Variants in ICA1 observed in about 807,000 individuals in gnomAD.
The protein encoded by ICA1 is 69 kDa islet cell autoantigen.
Under a neutral mutation model 71.0 loss-of-function variants are expected in ICA1, and 40 were observed. The ratio of observed to expected loss-of-function variants is 0.56; its 90% CI spans 0.44 to 0.73. The LOEUF (loss-of-function observed/expected upper bound fraction) is 0.73. ICA1 is among the 30% of genes least tolerant of loss of function. The pLI, the probability that ICA1 is intolerant of heterozygous loss-of-function variation, is 0.00. For synonymous variants in ICA1, 207 were observed against 209.5 expected (o/e 0.99, Z 0.10); for missense variants, 578 against 576.5 (o/e 1.00, Z -0.03).
chr7:8,206,276 G>A (rs1791513500), intron 6 of ICA1, among the ~76,000 whole-genome samples: 1 of 151,946 alleles, frequency 6.6e-6, no homozygotes, highest in Admixed American at 6.6e-5. Flanking sequence ...CCATCCCTAA[G>A]TGACTTCACC....
rs1225516804 is a variant in ICA1 at position 8,234,372 on chromosome 7, G to A, written c.17+1538C>T. 6.6e-6 allele frequency among the ~76,000 whole-genome samples: 1 copy of A among 152,058 alleles called. No individual in the cohort carries two copies. The highest frequency in any genetic ancestry group is 1.9e-4 in the East Asian group (1 of 5,190). Reference sequence around the variant, plus strand: ...CCTTGCTTCGTCCACATCCTCTTTGGACCTAGAGTCCCTGCCCCAAAGGCT... The same window carrying A: ...CCTTGCTTCGTCCACATCCTCTTTGAACCTAGAGTCCCTGCCCCAAAGGCT... On this transcript the variant is annotated intron_variant, in intron 2 of 13. Coordinates refer to ENST00000402384, the MANE Select transcript of ICA1 (RefSeq NM_001136020.3). This position sits in a 1 kb window ranked among gnomAD's most constrained non-coding sequence, Gnocchi z 4.5.
At chr7:8,143,791 G>A (rs1410020703) in intron 9 of ICA1, 84 bp downstream of exon 9, 24 of 833,780 alleles carry the variant, frequency 2.9e-5, no homozygotes, top group Non-Finnish European at 4.9e-5. Flanking sequence ...CTGCGTCTGA[G>A]GCCCAGCCAG....
At chr7:8,235,506 G>A (rs536927083) in intron 2 of ICA1, among the ~76,000 whole-genome samples, 129 of 152,296 alleles carry the variant, frequency 8.5e-4, no homozygotes, top group African/African-American at 2.8e-3. Context: ...AGCACGAGTC[G>A]TGTGTGGTTG....
intron 13 of ICA1, among the ~76,000 whole-genome samples, chr7:8,122,951 C>G (rs1202375511): frequency 1.3e-5 from 2 of 152,114 alleles, no homozygotes; most frequent in Non-Finnish European, 2.9e-5. Context: ...GAAATGGGTA[C>G]AGAATTGAGA....
intron 1 of ICA1, among the ~76,000 whole-genome samples, chr7:8,238,772 G>A (rs1802698540): frequency 6.6e-6 from 1 of 152,120 alleles, no homozygotes; most frequent in African/African-American, 2.4e-5. Flanking sequence ...TAGATTTCCA[G>A]GCTATTCCCA....
intron 6 of ICA1, among the ~76,000 whole-genome samples, chr7:8,201,606 G>A (rs879555642): frequency 1.5e-4 from 23 of 152,182 alleles, no homozygotes; most frequent in Admixed American, 3.9e-4. Flanking sequence ...GGTCAGCTGC[G>A]TTAAAATAAA....
chr7:8,127,285 C>A (rs1018297402), intron 13 of ICA1, among the ~76,000 whole-genome samples: 3 of 151,966 alleles, frequency 2.0e-5, no homozygotes, highest in African/African-American at 7.3e-5. Flanking sequence ...AGCCACCATG[C>A]CTGGCCTGAG....
At chr7:8,231,323 A>T (rs1800215694) in intron 3 of ICA1, among the ~76,000 whole-genome samples, 1 of 152,164 alleles carries the variant, frequency 6.6e-6, no homozygotes, top group Non-Finnish European at 1.5e-5. Context: ...ATGGGGAGGC[A>T]GGGCCAGTGG....
chr7:8,221,532 T>C, intron 4 of ICA1, 134 bp from the exon 5 acceptor site: 1 of 987,090 alleles, frequency 1.0e-6, no homozygotes, highest in Non-Finnish European at 1.5e-6. Flanking sequence ...AGCGGCAGGC[T>C]ACAGGGTAAG....
intron 3 of ICA1, among the ~76,000 whole-genome samples, chr7:8,230,005 G>A (rs896083293): frequency 6.6e-6 from 1 of 152,174 alleles, no homozygotes; most frequent in African/African-American, 2.4e-5. Flanking sequence ...TAAATTAAAT[G>A]CACTACAGTG....
chr7:8,168,051 G>T (rs62433163), intron 6 of ICA1, among the ~76,000 whole-genome samples: 1 of 151,532 alleles, frequency 6.6e-6, no homozygotes, highest in African/African-American at 2.4e-5. Context: ...AGAGAGAGAC[G>T]GAGAGACTGA....
intron 6 of ICA1, among the ~76,000 whole-genome samples, chr7:8,205,086 A>G (rs984084217): frequency 2.6e-5 from 4 of 151,440 alleles, no homozygotes; most frequent in African/African-American, 9.7e-5. Flanking sequence ...TGCAAAAAAA[A>G]AAAAAAAAGG....
intron 3 of ICA1, among the ~76,000 whole-genome samples, chr7:8,231,193 G>A (rs1421883278): frequency 1.3e-5 from 2 of 152,160 alleles, no homozygotes; most frequent in Non-Finnish European, 2.9e-5. Flanking sequence ...CCAGGTGGAA[G>A]CCAGCAAATG....
rs73057599 is a variant in ICA1, at chr7:8,171,840, C to T, written c.580-13188G>A. On this transcript the variant is annotated intron_variant, in intron 6 of 13. Transcript: ENST00000402384. Reference sequence around the variant, plus strand: ...ATTATTTCAAAATATATCCTGATTTCCCTCGTGACATCTTCTTTAATCCAC... The same window carrying T: ...ATTATTTCAAAATATATCCTGATTTTCCTCGTGACATCTTCTTTAATCCAC... Among the ~76,000 whole-genome samples the T allele has an allele frequency of 5.9e-3, 900 of 151,954 alleles. 8 individuals are homozygous for T. Among genetic ancestry groups the T allele is most frequent in the Non-Finnish European group, 8.9e-3 (601 of 67,800 alleles).
rs2128133511 is a variant in ICA1 at position 8,144,324 on chromosome 7, A to G, written c.805-352T>C. Among the ~76,000 whole-genome samples, 1 of 152,360 alleles carries G rather than the reference A, an allele frequency of 6.6e-6. No individual in the cohort carries two copies. The highest frequency in any genetic ancestry group is 2.1e-4 in the South Asian group (1 of 4,832). On this transcript the variant is annotated intron_variant, in intron 8 of 13. Coordinates refer to ENST00000402384, the MANE Select transcript of ICA1 (RefSeq NM_001136020.3). This position sits in a 1 kb window ranked among gnomAD's most constrained non-coding sequence, Gnocchi z 4.5. The stretch of plus-strand genomic sequence containing the variant: ...ACTTCAACATGTAGTTAAGATAAAC[A>G]TTCTGTTCTGTTCGCAGCCCACACA...
intron 6 of ICA1, among the ~76,000 whole-genome samples, chr7:8,200,024 A>G (rs547946982): frequency 1.3e-5 from 2 of 152,302 alleles, no homozygotes; most frequent in Non-Finnish European, 2.9e-5. Context: ...AGTGAATAAT[A>G]ATTTAATTGT....
chr7:8,193,759 T>G (rs1786485820), intron 6 of ICA1, among the ~76,000 whole-genome samples: 1 of 152,186 alleles, frequency 6.6e-6, no homozygotes, highest in South Asian at 2.1e-4. Flanking sequence ...TACATTATAC[T>G]TTGCCTGCTC....
chr7:8,171,218 A>G (rs181729843), intron 6 of ICA1, among the ~76,000 whole-genome samples: 2 of 120,800 alleles, frequency 1.7e-5, no homozygotes, highest in Non-Finnish European at 4.0e-5. Context: ...TGTAAAGTTG[A>G]TATTATTTCT....
At chr7:8,151,330 C>T (rs369502236) in intron 8 of ICA1, among the ~76,000 whole-genome samples, 4 of 152,230 alleles carry the variant, frequency 2.6e-5, no homozygotes, top group Non-Finnish European at 4.4e-5. Flanking sequence ...CGCCATCAGG[C>T]GTGGATGAAC....
Sources: allele counts gnomAD v4.1 joint callset (sites outside exome capture counted in the v4.1 genomes callset), GRCh38; gene constraint gnomAD v4.1.1; non-coding constraint Gnocchi (gnomAD v3.1); transcripts MANE v1.5; gene names NCBI Gene and HGNC (gene_info 2026-07-23, HGNC 2026-07-21).